DMXL2: variants seen among roughly 807,000 people sequenced by gnomAD.
DMXL2 encodes dmX-like protein 2.
In DMXL2, 103 loss-of-function variants were observed where a neutral mutation model predicts 331.1. That is an observed-to-expected ratio of 0.31 (90% CI 0.27 to 0.37). The LOEUF (loss-of-function observed/expected upper bound fraction) is 0.37, where lower values mean the gene tolerates loss of function less well. Ranked by LOEUF, DMXL2 falls within the 10% of genes least tolerant of loss-of-function variation. The pLI is 1.00. For synonymous variants in DMXL2, 1,281 were observed against 1,252.1 expected (o/e 1.02, Z -0.49); for missense variants, 3,171 against 3,642.9 (o/e 0.87, Z 3.33).
chr15:51,509,720 T>C (rs532068859), intron 15 of DMXL2, among the ~76,000 whole-genome samples: 2 of 152,224 alleles, frequency 1.3e-5, no homozygotes, highest in African/African-American at 2.4e-5. Flanking sequence ...GCCAGCATCA[T>C]CCTGATACCA....
intron 1 of DMXL2, among the ~76,000 whole-genome samples, chr15:51,593,293 C>A (rs887175878): frequency 6.6e-6 from 1 of 152,028 alleles, no homozygotes; most frequent in African/African-American, 2.4e-5. Flanking sequence ...GACTTTAAAC[C>A]AACAAAGATC....
intron 4 of DMXL2, 109 bp from the exon 5 acceptor site, chr15:51,564,369 G>T: frequency 1.2e-6 from 1 of 822,160 alleles, no homozygotes; most frequent in Non-Finnish European, 1.7e-6. Context: ...TGAAAAGTAA[G>T]CAATATCGCC....
At position 51,545,573 on chromosome 15, in the gene DMXL2, A is replaced by C; in HGVS notation, c.930+10T>G. 1 of 1,595,974 alleles carries C rather than the reference A, an allele frequency of 6.3e-7. No homozygotes were observed. The highest frequency in any genetic ancestry group is 8.5e-7 in the Non-Finnish European group (1 of 1,170,738). On this transcript the variant is annotated intron_variant, in intron 8 of 43. Coordinates refer to ENST00000560891, the MANE Select transcript of DMXL2 (RefSeq NM_001378457.1). ...TCAAAATTCATTTACCATTTTAAAT[A>C]ATATAATACCTCAAGAGCATGCTGT...
intron 16 of DMXL2, among the ~76,000 whole-genome samples, chr15:51,505,906 C>A (rs1207884477): frequency 6.7e-6 from 1 of 149,172 alleles, no homozygotes; most frequent in East Asian, 1.9e-4. Context: ...CCATGCAGTT[C>A]TTCATTTTAA....
At chr15:51,480,231 G>T in intron 24 of DMXL2, 92 bp from the exon 25 acceptor site, 1 of 1,265,050 alleles carries the variant, frequency 7.9e-7, no homozygotes. Context: ...ATTGTGTAAA[G>T]GGAATATGTT....
At chr15:51,522,443 A>G (rs1005298100) in intron 13 of DMXL2, among the ~76,000 whole-genome samples, 16 of 152,274 alleles carry the variant, frequency 1.1e-4, no homozygotes, top group African/African-American at 3.6e-4. Flanking sequence ...TCAGCAGTTC[A>G]AGACCAGCCT....
chr15:51,473,441 G>C (rs532085718), intron 28 of DMXL2, among the ~76,000 whole-genome samples: 18 of 152,312 alleles, frequency 1.2e-4, no homozygotes, highest in African/African-American at 4.1e-4. Flanking sequence ...TAAGTTTAAA[G>C]TGGACTATAA....
At chr15:51,462,104 A>G (rs2040180609) in intron 33 of DMXL2, among the ~76,000 whole-genome samples, 2 of 152,190 alleles carry the variant, frequency 1.3e-5, no homozygotes, top group Non-Finnish European at 2.9e-5. Flanking sequence ...TTTTAAATCC[A>G]TAGAGAAAAC....
Position 51,476,560 on chromosome 15 carries a change from T to G in DMXL2, c.6964+29A>C, listed in dbSNP as rs1180745968. ...AGGAAGAAATTGCCAACTAGAAGAT[T>G]TTTTTTTTTTAATCATTTAAATTCT... On this transcript the variant is annotated intron_variant, in intron 27 of 43. Coordinates refer to ENST00000560891, the MANE Select transcript of DMXL2 (RefSeq NM_001378457.1). The G allele has an allele frequency of 3.2e-6, 5 of 1,548,658 alleles. No individual in the cohort carries two copies. In the African/African-American group the frequency reaches 7.0e-5, roughly 22 times the overall value.
chr15:51,521,885 T>C (rs2047401817), intron 13 of DMXL2, among the ~76,000 whole-genome samples: 1 of 152,216 alleles, frequency 6.6e-6, no homozygotes, highest in African/African-American at 2.4e-5. Context: ...AAATTAAAGA[T>C]TGAGTAAATA....
chr15:51,527,990 T>C (rs985541730), intron 13 of DMXL2, among the ~76,000 whole-genome samples: 7 of 152,234 alleles, frequency 4.6e-5, no homozygotes, highest in Admixed American at 2.6e-4. Context: ...TGTTTATTTA[T>C]GCAAACAGTG....
chr15:51,453,200 A>G (rs1035689088), intron 41 of DMXL2: 3 of 194,148 alleles, frequency 1.5e-5, no homozygotes, highest in African/African-American at 2.4e-5. Context: ...TTATCCATGT[A>G]ACCAAACACT....
intron 1 of DMXL2, among the ~76,000 whole-genome samples, chr15:51,594,029 G>T (rs1354597784): frequency 5.9e-5 from 9 of 151,888 alleles, no homozygotes; most frequent in East Asian, 5.8e-4. Context: ...AGCAAACACA[G>T]TCAAAAGCTA....
rs1272494127 is a variant in DMXL2 at position 51,517,062 on chromosome 15, A to G, written c.2526+16T>C. On this transcript the variant is annotated intron_variant, in intron 14 of 43. Transcript: ENST00000560891. Reference sequence around the variant, plus strand: ...TAAAGTATACGAATATCACCAATTCACAAGCATGTTTTTACTTGGTTGGTT... The same window carrying G: ...TAAAGTATACGAATATCACCAATTCGCAAGCATGTTTTTACTTGGTTGGTT... 3.7e-6 allele frequency: 6 copies of G among 1,604,804 alleles called. No homozygotes were observed. The African/African-American group carries it at 8.0e-5, about 21-fold the overall frequency.
Position 51,607,456 on chromosome 15 carries a change from AAAAAAAG to A in DMXL2, c.87+14996_87+15002del, listed in dbSNP as rs1341422618. 9.8e-5 allele frequency among the ~76,000 whole-genome samples: 15 copies of A among 152,312 alleles called. No individual in the cohort carries two copies. The South Asian group carries it at 2.9e-3, about 29-fold the overall frequency. On this transcript the variant is annotated intron_variant, in intron 1 of 43. Coordinates refer to ENST00000560891, the MANE Select transcript of DMXL2 (RefSeq NM_001378457.1). The stretch of plus-strand genomic sequence containing the variant: ...GAGCGACAGAGCGAGACTCCGTCTC[AAAAAAAG>A]AAAAAAGAAAAAAAAAGATAGAAAA...
At chr15:51,549,721 C>A (rs917130873) in intron 6 of DMXL2, among the ~76,000 whole-genome samples, 2 of 152,090 alleles carry the variant, frequency 1.3e-5, no homozygotes, top group African/African-American at 4.8e-5. Context: ...TGACGTTGAG[C>A]ATTTTTTCAT....
Position 51,551,223 on chromosome 15 carries a change from T to C in DMXL2, c.568-3815A>G, listed in dbSNP as rs552555993. Among the ~76,000 whole-genome samples, 137 of 152,240 alleles carry C rather than the reference T, an allele frequency of 9.0e-4. 1 individual carries two copies. The highest frequency in any genetic ancestry group is 3.1e-3 in the African/African-American group (127 of 41,570). On this transcript the variant is annotated intron_variant, in intron 6 of 43. Coordinates refer to ENST00000560891, the MANE Select transcript of DMXL2 (RefSeq NM_001378457.1). ...AAATGTGAGAAAATAGCTTTTTCAATCCAAGACACATTTGCTTAACCTCCA... is the reference window on the plus strand; with the variant it reads ...AAATGTGAGAAAATAGCTTTTTCAACCCAAGACACATTTGCTTAACCTCCA...
At chr15:51,548,768 A>G (rs1169409607) in intron 6 of DMXL2, among the ~76,000 whole-genome samples, 1 of 152,138 alleles carries the variant, frequency 6.6e-6, no homozygotes, top group Non-Finnish European at 1.5e-5. Flanking sequence ...ACAGAAAGTT[A>G]TCTAGAAAAT....
intron 13 of DMXL2, among the ~76,000 whole-genome samples, chr15:51,530,488 A>C (rs997452668): frequency 1.3e-5 from 2 of 151,598 alleles, no homozygotes; most frequent in Admixed American, 1.3e-4. Context: ...ACAGTGGCTC[A>C]CCCCTGTAAT....
Sources: gnomAD v4.1 joint callset for allele counts (sites outside exome capture counted in the v4.1 genomes callset) on GRCh38, gnomAD v4.1.1 for gene constraint, MANE v1.5 for transcripts, NCBI Gene and HGNC (gene_info 2026-07-23, HGNC 2026-07-21) for gene names.